TMCO5A: variants seen among roughly 807,000 people sequenced by gnomAD.
The protein encoded by TMCO5A is transmembrane and coiled-coil domain-containing protein 5A.
A neutral mutation model predicts 42.3 loss-of-function variants in TMCO5A; 34 were observed. The ratio of observed to expected loss-of-function variants is 0.80; its 90% CI spans 0.61 to 1.07. The LOEUF is 1.07. TMCO5A is among the 50% of genes least tolerant of loss of function. The pLI is 0.00. For missense variants in TMCO5A, 357 were observed against 327.9 expected (o/e 1.09, Z -0.69); for synonymous variants, 131 against 115.6 (o/e 1.13, Z -0.86).
chr15:37,999,840 AT>A, the TMCO5A span, among the ~76,000 whole-genome samples: 3 of 152,166 alleles, frequency 2.0e-5, no homozygotes, highest in African/African-American at 7.2e-5. Context: ...TGATTTGCAT[AT>A]GTTGAACCAT....
chr15:38,036,580 C>T, the TMCO5A span, among the ~76,000 whole-genome samples: 1 of 151,982 alleles, frequency 6.6e-6, no homozygotes, highest in African/African-American at 2.4e-5. Context: ...TCAAACCAGC[C>T]ATTTCCTTTC....
chr15:37,983,719 G>GTT, the TMCO5A span, among the ~76,000 whole-genome samples: 1,078 of 138,940 alleles, frequency 7.8e-3, 20 homozygotes, highest in African/African-American at 0.026. Flanking sequence ...TCTTTTTACT[G>GTT]TTTTTTTTTT....
the TMCO5A span, among the ~76,000 whole-genome samples, chr15:37,977,753 G>T: frequency 1.2e-4 from 18 of 152,334 alleles, no homozygotes; most frequent in African/African-American, 4.3e-4. Context: ...CAGGGCCAGG[G>T]ACTTCAGCAG....
chr15:38,032,859 T>G, the TMCO5A span, among the ~76,000 whole-genome samples: 2 of 152,148 alleles, frequency 1.3e-5, no homozygotes, highest in Non-Finnish European at 2.9e-5. Flanking sequence ...CACTCAGTGG[T>G]ATGTTTAAAG....
chr15:37,970,870 T>A (rs1168281582), downstream of TMCO5A, among the ~76,000 whole-genome samples: 1 of 152,238 alleles, frequency 6.6e-6, no homozygotes, highest in Non-Finnish European at 1.5e-5. Flanking sequence ...CCCATAGTCT[T>A]GGGCAGCTCT....
At chr15:38,035,310 T>C in the TMCO5A span, among the ~76,000 whole-genome samples, 4 of 152,242 alleles carry the variant, frequency 2.6e-5, no homozygotes, top group Admixed American at 2.6e-4. Flanking sequence ...AGCCTCTGTA[T>C]GTACCATTTA....
chr15:37,960,681 C>T (rs188671522), intron 11 of TMCO5A, among the ~76,000 whole-genome samples: 1 of 151,992 alleles, frequency 6.6e-6, no homozygotes, highest in African/African-American at 2.4e-5. Context: ...ACCACATCCA[C>T]GTCAACATCT....
chr15:37,955,627 C>T (rs1890268319), downstream of TMCO5A, among the ~76,000 whole-genome samples: 1 of 152,124 alleles, frequency 6.6e-6, no homozygotes, highest in Admixed American at 6.5e-5. Context: ...GAGACTTAAA[C>T]TCCCACACAA....
the TMCO5A span, among the ~76,000 whole-genome samples, chr15:38,038,007 C>T: frequency 2.0e-5 from 3 of 148,046 alleles, no homozygotes; most frequent in Non-Finnish European, 4.5e-5. Flanking sequence ...AGTGAGACTC[C>T]GTCTCAAAAA....
At chr15:37,969,483 A>C (rs374923417), downstream of TMCO5A, among the ~76,000 whole-genome samples, 4 of 152,312 alleles carry the variant, frequency 2.6e-5, no homozygotes, top group Admixed American at 6.5e-5. Context: ...ATCACCCTAA[A>C]TGAGAATACC....
At position 37,947,765 on chromosome 15, in the gene TMCO5A, G is replaced by C; in HGVS notation, c.668+69G>C. On this transcript the variant is annotated intron_variant, in intron 11 of 11. Coordinates refer to ENST00000319669, the MANE Select transcript of TMCO5A (RefSeq NM_152453.4). The stretch of plus-strand genomic sequence containing the variant: ...CCCTATTTAGCTATTCGGGCAGAGG[G>C]AAAAGTCTAGACAAGGAGAGCCTTG... The C allele has an allele frequency of 4.8e-6, 5 of 1,052,414 alleles. No homozygotes were observed. In the South Asian group the frequency reaches 6.7e-5, roughly 14 times the overall value. The allele number at this position is 1,052,414 out of a possible 1,614,324, so 65.2% of individuals were successfully genotyped here.
intron 6 of TMCO5A, among the ~76,000 whole-genome samples, chr15:37,938,924 C>T (rs1018507814): frequency 3.9e-5 from 6 of 152,060 alleles, no homozygotes; most frequent in Non-Finnish European, 7.4e-5. Flanking sequence ...TGTGTATACT[C>T]ATGGGGTACA....
chr15:37,990,079 C>A, the TMCO5A span, among the ~76,000 whole-genome samples: 1 of 152,002 alleles, frequency 6.6e-6, no homozygotes, highest in Admixed American at 6.6e-5. Flanking sequence ...CCATATGAAC[C>A]TGAGAAGAAT....
At chr15:37,943,138 T>G in intron 9 of TMCO5A, 1 of 436,816 alleles carries the variant, frequency 2.3e-6, no homozygotes, top group Non-Finnish European at 4.0e-6. Flanking sequence ...ACTAACTACA[T>G]ATGGCAATTG....
At chr15:38,022,609 G>A in the TMCO5A span, among the ~76,000 whole-genome samples, 3 of 152,150 alleles carry the variant, frequency 2.0e-5, no homozygotes, top group Admixed American at 6.5e-5. Flanking sequence ...CCCACAGAAT[G>A]TACAACACCA....
chr15:37,939,561 T>C (rs1251607840), intron 6 of TMCO5A, among the ~76,000 whole-genome samples: 1 of 152,118 alleles, frequency 6.6e-6, no homozygotes, highest in Non-Finnish European at 1.5e-5. Flanking sequence ...GCACTCACAT[T>C]GTCAGATGAC....
the TMCO5A span, among the ~76,000 whole-genome samples, chr15:38,023,990 T>C: frequency 6.6e-6 from 1 of 152,318 alleles, no homozygotes; most frequent in East Asian, 1.9e-4. Flanking sequence ...CATTAGGACA[T>C]GGGAACTCCT....
At chr15:37,987,047 T>C in the TMCO5A span, among the ~76,000 whole-genome samples, 1 of 152,146 alleles carries the variant, frequency 6.6e-6, no homozygotes, top group South Asian at 2.1e-4. Context: ...AGTTCCAATA[T>C]CTCCACACCT....
At chr15:38,010,424 A>ATC in the TMCO5A span, among the ~76,000 whole-genome samples, 25 of 30,060 alleles carry the variant, frequency 8.3e-4, no homozygotes, top group Non-Finnish European at 1.2e-3. Context: ...GCAGAGGGAG[A>ATC]TCACACACAC....
Sources: allele counts gnomAD v4.1 joint callset (sites outside exome capture counted in the v4.1 genomes callset), GRCh38; gene constraint gnomAD v4.1.1; transcripts MANE v1.5; gene names NCBI Gene and HGNC (gene_info 2026-07-23, HGNC 2026-07-21).